Variants in DPY19L3 observed in about 807,000 individuals in gnomAD.
DPY19L3 encodes dpy-19 like C-mannosyltransferase 3, also known as protein C-mannosyl-transferase DPY19L3.
Under a neutral mutation model 92.3 loss-of-function variants are expected in DPY19L3, and 51 were observed. The ratio of observed to expected loss-of-function variants is 0.55; its 90% CI spans 0.44 to 0.70. The LOEUF (loss-of-function observed/expected upper bound fraction) is 0.70, where lower values mean the gene tolerates loss of function less well. DPY19L3 is among the 30% of genes least tolerant of loss of function. The pLI, the probability that DPY19L3 is intolerant of heterozygous loss-of-function variation, is 0.00. For synonymous variants in DPY19L3, 309 were observed against 315.2 expected, an observed-to-expected ratio of 0.98 and a Z score of 0.21; for missense variants, 706 against 855.9, an observed-to-expected ratio of 0.82 and a Z score of 2.18.
intron 8 of DPY19L3, among the ~76,000 whole-genome samples, chr19:32,445,179 C>A (rs992851487): frequency 6.6e-6 from 1 of 151,514 alleles, no homozygotes; most frequent in African/African-American, 2.4e-5. Context: ...CAGTGGCTCA[C>A]GCCTGTAATC....
At position 32,419,987 on chromosome 19, in the gene DPY19L3, G is replaced by C. The variant is rs1318999077; in HGVS notation, c.237+8615G>C. ...CGGTTCTCCTGCCTCAGCCTCCCGA[G>C]TAACTGGGATTACAGGCAGGCACCA... On this transcript the variant is annotated intron_variant, in intron 3 of 18. Coordinates refer to ENST00000392250, the MANE Select transcript of DPY19L3 (RefSeq NM_001172774.2). Among the ~76,000 whole-genome samples the C allele has an allele frequency of 9.3e-5, 14 of 150,916 alleles. 1 individual carries two copies. Among genetic ancestry groups the C allele is most frequent in the Admixed American group, 9.3e-4 (14 of 15,098 alleles).
At chr19:32,458,747 C>T (rs1280496755) in intron 12 of DPY19L3, among the ~76,000 whole-genome samples, 2 of 152,196 alleles carry the variant, frequency 1.3e-5, no homozygotes, top group African/African-American at 4.8e-5. Flanking sequence ...AACAAAGTGA[C>T]TCTTGAGCCA....
rs776558527 is a variant in DPY19L3, at chr19:32,453,189, C to G, written c.900C>G (p.Val300=). Reference sequence around the variant, plus strand: ...TACAGATAACAAGTTTACTCCTGGTCTGCATTCTTCAGTTTTTTAATTCCA... The same window carrying G: ...TACAGATAACAAGTTTACTCCTGGTGTGCATTCTTCAGTTTTTTAATTCCA... ...YGIQITSLLL[V]CILQFFNSMI... Residue 300 remains valine, a synonymous_variant, in exon 9 of 19, where the codon GTC becomes GTG. Coordinates refer to ENST00000392250, the MANE Select transcript of DPY19L3 (RefSeq NM_001172774.2). 4 of 1,613,960 alleles carry G rather than the reference C, an allele frequency of 2.5e-6. No homozygotes were observed. The highest frequency in any genetic ancestry group is 1.7e-5 in the Admixed American group (1 of 59,990).
At chr19:32,411,133 C>A (rs1968165239) in intron 2 of DPY19L3, 106 bp from the exon 3 acceptor site, 16 of 1,207,190 alleles carry the variant, frequency 1.3e-5, no homozygotes, top group Non-Finnish European at 1.6e-5. Flanking sequence ...AAAGCTTTCC[C>A]AGTGACAGGC....
intron 15 of DPY19L3, chr19:32,468,235 G>A (rs1970253929): frequency 1.1e-6 from 1 of 949,282 alleles, no homozygotes; most frequent in Non-Finnish European, 1.3e-6. Context: ...CGTCATCCAT[G>A]TCATGGGTTA....
At chr19:32,415,421 G>A (rs967049357) in intron 3 of DPY19L3, among the ~76,000 whole-genome samples, 7 of 152,300 alleles carry the variant, frequency 4.6e-5, no homozygotes, top group African/African-American at 7.2e-5. Flanking sequence ...TGTGTGAAGC[G>A]TTGGCAGTAG....
intron 2 of DPY19L3, among the ~76,000 whole-genome samples, chr19:32,409,502 C>CT (rs1968103286): frequency 6.6e-6 from 1 of 152,170 alleles, no homozygotes; most frequent in African/African-American, 2.4e-5. Flanking sequence ...TTGTTTAAAA[C>CT]TTTATTTCCT....
chr19:32,414,423 A>AC (rs1363199986), intron 3 of DPY19L3, among the ~76,000 whole-genome samples: 3 of 150,984 alleles, frequency 2.0e-5, no homozygotes, highest in Non-Finnish European at 4.4e-5. Context: ...TCCAAAAAAA[A>AC]AAAACAAACA....
In DPY19L3 at chr19:32,439,968, T is replaced by C. The variant is rs76315624; in HGVS notation, c.855+58T>C. On this transcript the variant is annotated intron_variant, in intron 8 of 18. Transcript: ENST00000392250. ...TTGGCCATTTAGTGTTTTTATATCA[T>C]AGAATGAGATGAAAATATGCAAGTA... is the stretch of plus-strand genomic sequence containing the variant. 2,252 of 1,586,360 alleles carry C rather than the reference T, an allele frequency of 1.4e-3. 36 individuals are homozygous for C. In the Admixed American group the frequency reaches 0.03, roughly 21 times the overall value.
Position 32,480,426 on chromosome 19 carries a change from C to G in DPY19L3, c.1858C>G (p.Pro620Ala), listed in dbSNP as rs1280289251. Residue 620 changes from proline to alanine, a missense_variant, in exon 18 of 19, where the codon CCA becomes GCA. Pro to Ala is a conservative substitution (Grantham distance 27, BLOSUM62 -1). Transcript: ENST00000392250. ...AVYQIYAKRA[P>A]EEVHALLRSF... ...TTATCAGATATATGCCAAGAGGGCA[C>G]CAGAGGAAGTGCATGCCCTCCTAAG... 1 of 1,613,188 alleles carries G rather than the reference C, an allele frequency of 6.2e-7. No homozygotes were observed. Among genetic ancestry groups the G allele is most frequent in the African/African-American group, 1.3e-5 (1 of 74,882 alleles).
intron 3 of DPY19L3, among the ~76,000 whole-genome samples, chr19:32,425,550 C>CA (rs954640150): frequency 7.2e-4 from 85 of 118,732 alleles, no homozygotes; most frequent in Admixed American, 8.1e-4. Flanking sequence ...GACTCTGTCT[C>CA]AAAAAAAAAA....
intron 8 of DPY19L3, among the ~76,000 whole-genome samples, chr19:32,445,666 G>T (rs1450971609): frequency 5.3e-5 from 8 of 152,050 alleles, no homozygotes; most frequent in Admixed American, 5.2e-4. Flanking sequence ...GTAAAAATGT[G>T]AATAAATATA....
chr19:32,447,775 A>AGATTGATT (rs1555721948), intron 8 of DPY19L3, among the ~76,000 whole-genome samples: 77 of 127,004 alleles, frequency 6.1e-4, no homozygotes, highest in African/African-American at 1.8e-3. Context: ...ATAGATAGAT[A>AGATTGATT]GATTAGATAA....
chr19:32,455,326 A>G (rs1218925749), intron 10 of DPY19L3, among the ~76,000 whole-genome samples: 1 of 152,188 alleles, frequency 6.6e-6, no homozygotes, highest in Non-Finnish European at 1.5e-5. Flanking sequence ...CTCAAGAGTT[A>G]CCAGTTTTAC....
rs148244577 is a variant in DPY19L3 at position 32,463,388 on chromosome 19, G to T, written c.1345G>T (p.Val449Leu). 3 of 1,613,480 alleles carry T rather than the reference G, an allele frequency of 1.9e-6. No homozygotes were observed. Among genetic ancestry groups the T allele is most frequent in the African/African-American group, 2.7e-5 (2 of 74,880 alleles). ...CAGTGATTCTACAAATCAACAATCC[G>T]TGGGTAAAATGGAAAAAGGCACAGT... ...NLSDSTNQQSVGKMEKGTVDL... is the reference protein window; with the variant it reads ...NLSDSTNQQSLGKMEKGTVDL... The change falls in exon 13 of 19, where the codon GTG (valine) becomes TTG (leucine). Residue 449 changes from valine (V) to leucine (L), a missense_variant. By Grantham distance (32) the Val-to-Leu change is conservative (BLOSUM62 1). Transcript: ENST00000392250.
intron 3 of DPY19L3, among the ~76,000 whole-genome samples, chr19:32,422,913 A>G (rs1044946365): frequency 6.6e-6 from 1 of 152,246 alleles, no homozygotes; most frequent in Non-Finnish European, 1.5e-5. Context: ...TCTAATGGTC[A>G]AAGACCATGA....
In DPY19L3 at chr19:32,482,163, C is replaced by T; in HGVS notation, c.2074C>T (p.Pro692Ser). The T allele has an allele frequency of 1.2e-6, 2 of 1,613,824 alleles. No individual in the cohort carries two copies. Among genetic ancestry groups the T allele is most frequent in the Non-Finnish European group, 1.7e-6 (2 of 1,179,852 alleles). Reference protein sequence around the residue: ...RFCEEIKRNLPPYVAYFTRVF... With the variant: ...RFCEEIKRNLSPYVAYFTRVF... Reference sequence around the variant, plus strand: ...CTGTGAAGAGATCAAAAGAAACCTGCCTCCCTACGTGGCCTACTTCACCAG... The same window carrying T: ...CTGTGAAGAGATCAAAAGAAACCTGTCTCCCTACGTGGCCTACTTCACCAG... Residue 692 changes from proline (P) to serine (S), a missense_variant, in exon 19 of 19, where the codon CCT (proline) becomes TCT (serine). By Grantham distance (74) the Pro-to-Ser change is moderately conservative (BLOSUM62 -1). Coordinates refer to ENST00000392250, the MANE Select transcript of DPY19L3 (RefSeq NM_001172774.2).
chr19:32,444,840 T>G (rs1028588467), intron 8 of DPY19L3, among the ~76,000 whole-genome samples: 1 of 151,824 alleles, frequency 6.6e-6, no homozygotes, highest in African/African-American at 2.4e-5. Context: ...CCCAGCACTT[T>G]TGGAGGCTGA....
At chr19:32,478,545 C>T (rs1042003001) in intron 17 of DPY19L3, among the ~76,000 whole-genome samples, 1 of 152,142 alleles carries the variant, frequency 6.6e-6, no homozygotes, top group Non-Finnish European at 1.5e-5. Context: ...TAGTTCCCCT[C>T]CTAGGAGGCA....
Sources: allele counts gnomAD v4.1 joint callset (sites outside exome capture counted in the v4.1 genomes callset), GRCh38; gene constraint gnomAD v4.1.1; transcripts MANE v1.5; gene names NCBI Gene and HGNC (gene_info 2026-07-23, HGNC 2026-07-21).